STON2: variants seen among roughly 807,000 people sequenced by gnomAD.
STON2 encodes stonin 2, also known as stonin-2.
In STON2, 29 loss-of-function variants were observed where a neutral mutation model predicts 65.7. The ratio of observed to expected loss-of-function variants is 0.44; its 90% CI spans 0.33 to 0.60. The LOEUF is 0.60. Ranked by LOEUF, STON2 falls within the 20% of genes least tolerant of loss-of-function variation. The pLI is 0.03. For synonymous variants in STON2, 404 were observed against 414.2 expected (o/e 0.98, Z 0.30); for missense variants, 1,054 against 1,118.1 (o/e 0.94, Z 0.82).
chr14:81,309,512 G>A (rs1221629190), intron 5 of STON2, among the ~76,000 whole-genome samples: 1 of 151,994 alleles, frequency 6.6e-6, no homozygotes, highest in African/African-American at 2.4e-5. Flanking sequence ...AATTATCCTT[G>A]AGAAAATCTA....
At chr14:81,352,133 A>T (rs540842890) in intron 4 of STON2, among the ~76,000 whole-genome samples, 2 of 152,206 alleles carry the variant, frequency 1.3e-5, no homozygotes, top group East Asian at 3.8e-4. Flanking sequence ...TATCATAATT[A>T]ATGGTAGTAT....
exon 2 of STON2, chr14:81,427,199 C>T (rs1304994974): frequency 6.6e-6 from 1 of 152,172 alleles, no homozygotes; most frequent in Non-Finnish European, 1.5e-5. Flanking sequence ...TTTTTTGCCT[C>T]GTGAGTTGTT....
Position 81,262,314 on chromosome 14 carries a change from G to A in STON2, c.*6100C>T. Reference sequence around the variant, plus strand: ...TGACTTTAAATAAACAATCCTCAATGTCCTCGTGTCTAGCCTTTCCTCCCT... The same window carrying A: ...TGACTTTAAATAAACAATCCTCAATATCCTCGTGTCTAGCCTTTCCTCCCT... On this transcript the variant is annotated 3_prime_UTR_variant, in exon 8 of 8. Coordinates refer to ENST00000614646, the MANE Select transcript of STON2 (RefSeq NM_001394390.1). The A allele has an allele frequency of 4.1e-6, 4 of 985,416 alleles. No individual in the cohort carries two copies. Among genetic ancestry groups the A allele is most frequent in the Non-Finnish European group, 3.6e-6 (3 of 829,926 alleles). The allele number at this position is 985,416 out of a possible 1,614,324, so 61.0% of individuals were successfully genotyped here. A position where few individuals can be genotyped will look rare whatever the true frequency, so the allele number is the denominator to read the frequency against.
chr14:81,317,428 C>G (rs1896665953), intron 5 of STON2, among the ~76,000 whole-genome samples: 1 of 152,200 alleles, frequency 6.6e-6, no homozygotes, highest in African/African-American at 2.4e-5. Flanking sequence ...ATAGCAAAGC[C>G]TATAAATTAG....
intron 4 of STON2, among the ~76,000 whole-genome samples, chr14:81,329,409 C>T (rs917207212): frequency 8.1e-5 from 12 of 147,900 alleles, no homozygotes; most frequent in East Asian, 2.0e-4. Context: ...GAGCCGAGAT[C>T]GTGCCACTGC....
At chr14:81,345,365 C>T (rs1480493251) in intron 4 of STON2, among the ~76,000 whole-genome samples, 2 of 152,112 alleles carry the variant, frequency 1.3e-5, no homozygotes, top group Admixed American at 1.3e-4. Flanking sequence ...GATACAGGCA[C>T]CACAAAGGGG....
In STON2 at chr14:81,281,605, C is replaced by CA. The variant is rs536791179; in HGVS notation, c.743-2867dup. Among the ~76,000 whole-genome samples, 249 of 152,298 alleles carry CA rather than the reference C, an allele frequency of 1.6e-3. 1 individual carries two copies. The highest frequency in any genetic ancestry group is 5.7e-3 in the African/African-American group (237 of 41,554). ...TGCCAAAGCTGTTTACACTTGCCAC[C>CA]AAAGGATTCCCTTCTGTTGGGAATC... is the stretch of plus-strand genomic sequence containing the variant. On this transcript the variant is annotated intron_variant, in intron 5 of 7. Coordinates refer to ENST00000614646, the MANE Select transcript of STON2 (RefSeq NM_001394390.1).
intron 4 of STON2, among the ~76,000 whole-genome samples, chr14:81,336,819 T>C (rs187451244): frequency 1.3e-5 from 2 of 152,150 alleles, no homozygotes; most frequent in East Asian, 3.9e-4. Flanking sequence ...AGTGAATGAA[T>C]TAGTGGGTGA....
intron 2 of STON2, among the ~76,000 whole-genome samples, chr14:81,424,004 T>C (rs1031706855): frequency 1.3e-5 from 2 of 152,198 alleles, no homozygotes; most frequent in African/African-American, 4.8e-5. Context: ...ATGTTTAAAG[T>C]AAATTCTAAA....
At chr14:81,285,870 G>C (rs746477352) in intron 5 of STON2, among the ~76,000 whole-genome samples, 1 of 152,242 alleles carries the variant, frequency 6.6e-6, no homozygotes, top group African/African-American at 2.4e-5. Flanking sequence ...AGTTGAGGCC[G>C]GGTGCGGTGG....
At chr14:81,299,698 A>T (rs1312305182) in intron 5 of STON2, among the ~76,000 whole-genome samples, 2 of 152,182 alleles carry the variant, frequency 1.3e-5, no homozygotes, top group African/African-American at 2.4e-5. Context: ...TAACAAGTCA[A>T]CTGGAAATAA....
At chr14:81,281,926 G>A (rs1237478595) in intron 5 of STON2, among the ~76,000 whole-genome samples, 1 of 152,022 alleles carries the variant, frequency 6.6e-6, no homozygotes, top group African/African-American at 2.4e-5. Context: ...TCTTCCCTTT[G>A]GCAGTTTCAT....
chr14:81,386,045 G>A (rs28706901), intron 3 of STON2, among the ~76,000 whole-genome samples: 1,626 of 152,214 alleles, frequency 0.011, 29 homozygotes, highest in South Asian at 0.044. Context: ...GGCCTGGAAC[G>A]GCGAGAGAGG....
intron 2 of STON2, among the ~76,000 whole-genome samples, chr14:81,405,465 T>TTTG (rs1900806069): frequency 1.3e-5 from 2 of 151,264 alleles, no homozygotes; most frequent in Admixed American, 1.3e-4. Flanking sequence ...CTATTGTTTT[T>TTTG]TTTTTTTTTT....
chr14:81,277,419 A>G lies in STON2; in HGVS notation c.2063T>C (p.Ile688Thr), dbSNP rs747845151. The change falls in exon 6 of 8, where the codon ATC becomes ACC. Residue 688 changes from isoleucine to threonine, a missense_variant. Transcript: ENST00000614646. Reference protein sequence around the residue: ...KGNEIVLRQDIMPTTTTKWIK... With the variant: ...KGNEIVLRQDTMPTTTTKWIK... ...CCACTTTGTGGTGGTGGTGGGCATGATGTCCTGCCTCAAAACTATTTCATT... is the reference window on the plus strand; with the variant it reads ...CCACTTTGTGGTGGTGGTGGGCATGGTGTCCTGCCTCAAAACTATTTCATT... 6.2e-7 allele frequency: 1 copy of G among 1,614,140 alleles called. No homozygotes were observed.
chr14:81,382,913 A>C (rs750076833), intron 3 of STON2, among the ~76,000 whole-genome samples: 16 of 152,154 alleles, frequency 1.1e-4, no homozygotes, highest in Non-Finnish European at 1.9e-4. Flanking sequence ...CATTCGCTCT[A>C]ATACACTTTG....
chr14:81,422,716 G>A (rs1846297825), intron 2 of STON2, among the ~76,000 whole-genome samples: 1 of 152,134 alleles, frequency 6.6e-6, no homozygotes, highest in Admixed American at 6.5e-5. Flanking sequence ...AAGTGCACGG[G>A]TTTCTGTGGG....
Position 81,262,801 on chromosome 14 carries a change from A to G in STON2, c.*5613T>C, listed in dbSNP as rs1566875343. On this transcript the variant is annotated 3_prime_UTR_variant, in exon 8 of 8. Transcript: ENST00000614646. The stretch of plus-strand genomic sequence containing the variant: ...ATCTCACATTCTTGTTCTAGTTAAT[A>G]CATGGGAGAATATTACTAATACATA... 1.7e-5 allele frequency: 17 copies of G among 985,380 alleles called. No individual in the cohort carries two copies. Among genetic ancestry groups the G allele is most frequent in the Non-Finnish European group, 2.0e-5 (17 of 829,858 alleles). The allele number at this position is 985,380 out of a possible 1,614,324, so 61.0% of individuals were successfully genotyped here.
At chr14:81,298,617 A>C (rs141531188) in intron 5 of STON2, among the ~76,000 whole-genome samples, 1 of 152,336 alleles carries the variant, frequency 6.6e-6, no homozygotes, top group East Asian at 1.9e-4. Flanking sequence ...AAGGAAGAGA[A>C]ACTACAGAAA....
Sources: allele counts gnomAD v4.1 joint callset (sites outside exome capture counted in the v4.1 genomes callset), GRCh38; gene constraint gnomAD v4.1.1; transcripts MANE v1.5; gene names NCBI Gene and HGNC (gene_info 2026-07-23, HGNC 2026-07-21).